SPAG9: variants seen among roughly 807,000 people sequenced by gnomAD.
The protein encoded by SPAG9 is C-Jun-amino-terminal kinase-interacting protein 4.
Under a neutral mutation model 166.5 loss-of-function variants are expected in SPAG9, and 35 were observed. The observed-to-expected ratio is 0.21, with a 90% CI of 0.16 to 0.28. The LOEUF (loss-of-function observed/expected upper bound fraction) is 0.28, where lower values mean the gene tolerates loss of function less well. SPAG9 is among the 10% of genes least tolerant of loss of function. The pLI, the probability that SPAG9 is intolerant of heterozygous loss-of-function variation, is 1.00. For missense variants in SPAG9, 1,235 were observed against 1,603.3 expected (o/e 0.77, Z 3.92); for synonymous variants, 534 against 565.5 (o/e 0.94, Z 0.79).
chr17:51,019,950 C>T (rs570389241), intron 8 of SPAG9, among the ~76,000 whole-genome samples: 34 of 152,356 alleles, frequency 2.2e-4, no homozygotes, highest in Non-Finnish European at 4.4e-4. Flanking sequence ...CCTGCTCATA[C>T]ACCTAATTTG....
At chr17:51,034,322 C>T (rs2046500090) in intron 5 of SPAG9, among the ~76,000 whole-genome samples, 1 of 152,110 alleles carries the variant, frequency 6.6e-6, no homozygotes, top group Admixed American at 6.6e-5. Context: ...ATGAATAATG[C>T]CTAGATCTTG....
chr17:51,089,660 A>ATATATATATATG (rs1555658088), intron 1 of SPAG9, among the ~76,000 whole-genome samples: 2 of 105,334 alleles, frequency 1.9e-5, no homozygotes, highest in Non-Finnish European at 3.9e-5. Context: ...ATATATATAT[A>ATATATATATATG]TATACACATA....
At chr17:50,977,016 T>C (rs1184319744) in intron 27 of SPAG9, 92 bp downstream of exon 27, 1 of 784,220 alleles carries the variant, frequency 1.3e-6, no homozygotes, top group African/African-American at 1.7e-5. Context: ...CATCACTGAT[T>C]TTCTGAGCTA....
At chr17:51,015,525 A>T (rs2045660873) in intron 8 of SPAG9, among the ~76,000 whole-genome samples, 2 of 152,154 alleles carry the variant, frequency 1.3e-5, no homozygotes, top group African/African-American at 4.8e-5. Context: ...TGTCTAAAGA[A>T]GGCCTCTATT....
At position 50,999,727 on chromosome 17, in the gene SPAG9, A is replaced by G. The variant is rs1489700974; in HGVS notation, c.1608-10T>C. 3.7e-6 allele frequency: 6 copies of G among 1,602,318 alleles called. No homozygotes were observed. Among genetic ancestry groups the G allele is most frequent in the Non-Finnish European group, 5.1e-6 (6 of 1,171,492 alleles). On this transcript the variant is annotated splice_polypyrimidine_tract_variant and intron_variant, in intron 13 of 29. Transcript: ENST00000262013. ...ATTTTCTCGTGATGCCCTACATTCA[A>G]AAAGAAAAGAAAAGAAACATTTATC...
chr17:51,112,051 A>C (rs75967325), intron 1 of SPAG9, among the ~76,000 whole-genome samples: 6,991 of 150,894 alleles, frequency 0.046, 530 homozygotes, highest in African/African-American at 0.16. Flanking sequence ...TTAAAAAAAA[A>C]TGTCTTAGGA....
At chr17:51,080,875 A>G (rs1419809194) in intron 1 of SPAG9, among the ~76,000 whole-genome samples, 2 of 130,178 alleles carry the variant, frequency 1.5e-5, no homozygotes, top group Non-Finnish European at 3.1e-5. Flanking sequence ...CTACAGAGCA[A>G]GACTCTATCT....
At chr17:51,006,276 A>T in intron 10 of SPAG9, 39 bp from the exon 11 acceptor site, 1 of 1,590,966 alleles carries the variant, frequency 6.3e-7, no homozygotes, top group East Asian at 2.2e-5. Context: ...TTACAAATAA[A>T]TATTCTTTCC....
chr17:51,077,789 T>A (rs927315695), intron 2 of SPAG9, among the ~76,000 whole-genome samples: 1 of 152,054 alleles, frequency 6.6e-6, no homozygotes, highest in African/African-American at 2.4e-5. Context: ...TAGCTAGGAC[T>A]ACGGGTGCGC....
At chr17:51,046,695 A>T in intron 4 of SPAG9, 2 of 1,535,858 alleles carry the variant, frequency 1.3e-6, no homozygotes, top group Non-Finnish European at 1.7e-6. Context: ...ACCCGAACCA[A>T]GGAGGCCTAC....
chr17:51,076,685 G>A lies in SPAG9; in HGVS notation c.424+2899C>T, dbSNP rs112933268. Among the ~76,000 whole-genome samples, 1,169 of 151,148 alleles carry A rather than the reference G, an allele frequency of 7.7e-3. 5 individuals are homozygous for A. The highest frequency in any genetic ancestry group is 0.013 in the Non-Finnish European group (888 of 67,726). On this transcript the variant is annotated intron_variant, in intron 2 of 29. Transcript: ENST00000262013. ...CAGGGGGCGGAGGTTGCAGTGAGCC[G>A]AGCTCACACCACTGCACTCCAGCCT...
At chr17:51,089,566 TTATAATA>T (rs1195259935) in intron 1 of SPAG9, among the ~76,000 whole-genome samples, 3 of 130,176 alleles carry the variant, frequency 2.3e-5, no homozygotes, top group South Asian at 2.4e-4. Context: ...ATATATATAA[TTATAATA>T]TATATGTGTA....
intron 1 of SPAG9, among the ~76,000 whole-genome samples, chr17:51,082,234 G>A (rs2048183946): frequency 6.6e-6 from 1 of 151,884 alleles, no homozygotes; most frequent in South Asian, 2.1e-4. Context: ...AATTAGCCAG[G>A]CATGGTGGTG....
At chr17:51,033,370 G>T (rs2046460759) in intron 5 of SPAG9, among the ~76,000 whole-genome samples, 1 of 146,386 alleles carries the variant, frequency 6.8e-6, no homozygotes, top group African/African-American at 2.5e-5. Context: ...ATCTTAAAAA[G>T]ATATTATATC....
At position 51,063,741 on chromosome 17, in the gene SPAG9, G is replaced by A. The variant is rs150727416; in HGVS notation, c.425-7259C>T. Among the ~76,000 whole-genome samples, 843 of 152,076 alleles carry A rather than the reference G, an allele frequency of 5.5e-3. 5 individuals are homozygous for A. The highest frequency in any genetic ancestry group is 0.019 in the African/African-American group (778 of 41,478). ...TCTACTAAAAACAAAAATTAGCCAG[G>A]TGTGGTGGCACATGCCTGTAATCCC... On this transcript the variant is annotated intron_variant, in intron 2 of 29. Coordinates refer to ENST00000262013, the MANE Select transcript of SPAG9 (RefSeq NM_001130528.3).
chr17:50,982,557 G>A lies in SPAG9; in HGVS notation c.3204C>T (p.Ile1068=). The change falls in exon 25 of 30, where the codon ATC becomes ATT. Residue 1068 remains isoleucine (I), a synonymous_variant. Coordinates refer to ENST00000262013, the MANE Select transcript of SPAG9 (RefSeq NM_001130528.3). ...DKVWCGYRNK[I]YVVQPKAMKI... ...TCATGGCCTTTGGCTGCACCACATA[G>A]ATTTTGTTCCTATAGCCACACCAGA... 1 of 1,613,464 alleles carries A rather than the reference G, an allele frequency of 6.2e-7. No individual in the cohort carries two copies. Among genetic ancestry groups the A allele is most frequent in the South Asian group, 1.1e-5 (1 of 90,876 alleles).
At chr17:51,002,801 A>G (rs977673956) in intron 12 of SPAG9, among the ~76,000 whole-genome samples, 4 of 151,816 alleles carry the variant, frequency 2.6e-5, no homozygotes, top group African/African-American at 9.7e-5. Context: ...AACAAAAACA[A>G]ACAGTAGGGC....
intron 29 of SPAG9, among the ~76,000 whole-genome samples, chr17:50,967,125 A>G (rs1337117182): frequency 6.6e-6 from 1 of 152,020 alleles, no homozygotes; most frequent in Non-Finnish European, 1.5e-5. Context: ...GGTACACCAC[A>G]CTCCTCTCCA....
At chr17:51,109,086 T>C (rs949852133) in intron 1 of SPAG9, among the ~76,000 whole-genome samples, 2 of 151,846 alleles carry the variant, frequency 1.3e-5, no homozygotes, top group Non-Finnish European at 2.9e-5. Flanking sequence ...GGTCTCGAAC[T>C]CCTGACCTCA....
Sources: gnomAD v4.1 joint callset for allele counts (sites outside exome capture counted in the v4.1 genomes callset) on GRCh38, gnomAD v4.1.1 for gene constraint, MANE v1.5 for transcripts, NCBI Gene and HGNC (gene_info 2026-07-23, HGNC 2026-07-21) for gene names.